EYS: variants seen among roughly 807,000 people sequenced by gnomAD.
EYS encodes protein eyes shut homolog.
In EYS, 250 loss-of-function variants were observed where a neutral mutation model predicts 282.1. The observed-to-expected ratio is 0.89, with a 90% CI of 0.80 to 0.98. EYS has a LOEUF of 0.98. EYS is among the 50% of genes least tolerant of loss of function. The probability of loss-of-function intolerance (pLI) is 0.00; values close to 1 mark genes in which losing one functional copy is unlikely to be tolerated. For synonymous variants in EYS, 1,355 were observed against 1,282.9 expected (o/e 1.06, Z -1.20); for missense variants, 4,016 against 3,709.0 (o/e 1.08, Z -2.15).
chr6:64,201,844 T>C (rs574566038), intron 31 of EYS, among the ~76,000 whole-genome samples: 149 of 152,288 alleles, frequency 9.8e-4, no homozygotes, highest in African/African-American at 3.6e-3. Context: ...CCTAGATAAA[T>C]GGTTATCAAC....
intron 36 of EYS, among the ~76,000 whole-genome samples, chr6:63,829,683 A>G (rs922236957): frequency 6.6e-6 from 1 of 152,226 alleles, no homozygotes; most frequent in Non-Finnish European, 1.5e-5. Flanking sequence ...GCAGACTTAA[A>G]CGTCCCTGTC....
intron 35 of EYS, among the ~76,000 whole-genome samples, chr6:63,951,706 T>C (rs76478733): frequency 0.42 from 64,553 of 151,940 alleles, 15,416 homozygotes; most frequent in African/African-American, 0.65. Flanking sequence ...AGCCCTTCCC[T>C]ACCTGCCCAA....
chr6:65,095,247 A>G (rs1408607250), intron 12 of EYS, among the ~76,000 whole-genome samples: 3 of 151,320 alleles, frequency 2.0e-5, no homozygotes, highest in Non-Finnish European at 4.4e-5. Context: ...GGGTGGTACC[A>G]GAGGCCGTAG....
At chr6:64,175,029 T>G (rs1385765224) in intron 31 of EYS, among the ~76,000 whole-genome samples, 1 of 152,130 alleles carries the variant, frequency 6.6e-6, no homozygotes, top group Non-Finnish European at 1.5e-5. Flanking sequence ...TTTTGATGTT[T>G]TACACTGAAT....
intron 12 of EYS, among the ~76,000 whole-genome samples, chr6:65,254,303 G>A (rs1045710323): frequency 6.6e-6 from 1 of 151,716 alleles, no homozygotes; most frequent in African/African-American, 2.4e-5. Flanking sequence ...GGATAAAACA[G>A]GTATGGTTAA....
At chr6:65,559,820 C>T (rs1375473560) in intron 2 of EYS, among the ~76,000 whole-genome samples, 2 of 151,848 alleles carry the variant, frequency 1.3e-5, no homozygotes, top group South Asian at 2.1e-4. Context: ...CTGAAAATTA[C>T]TTTATAGCTA....
intron 11 of EYS, among the ~76,000 whole-genome samples, chr6:65,332,968 T>C (rs1769850345): frequency 6.6e-6 from 1 of 151,434 alleles, no homozygotes; most frequent in Non-Finnish European, 1.5e-5. Flanking sequence ...ATTTCAGTAA[T>C]ATTTTATATC....
intron 33 of EYS, among the ~76,000 whole-genome samples, chr6:64,016,615 A>G (rs901667617): frequency 6.6e-6 from 1 of 151,494 alleles, no homozygotes; most frequent in African/African-American, 2.4e-5. Context: ...AGCTGGGACT[A>G]CAGGCATACA....
At chr6:65,313,125 A>T (rs575579234) in intron 11 of EYS, among the ~76,000 whole-genome samples, 1 of 152,126 alleles carries the variant, frequency 6.6e-6, no homozygotes, top group African/African-American at 2.4e-5. Flanking sequence ...GCCCTGGCCT[A>T]TTCCCTGGGG....
chr6:64,187,914 C>G (rs1764995588), intron 31 of EYS, among the ~76,000 whole-genome samples: 1 of 151,692 alleles, frequency 6.6e-6, no homozygotes, highest in African/African-American at 2.4e-5. Flanking sequence ...TTAATGTTAA[C>G]TGGAGTTAGC....
intron 31 of EYS, among the ~76,000 whole-genome samples, chr6:64,173,624 C>T (rs1764545082): frequency 6.6e-6 from 1 of 152,134 alleles, no homozygotes; most frequent in Admixed American, 6.5e-5. Flanking sequence ...AGTGGTACTA[C>T]CAACAATCTA....
chr6:64,058,173 T>G (rs1771048866), intron 33 of EYS, among the ~76,000 whole-genome samples: 1 of 152,042 alleles, frequency 6.6e-6, no homozygotes, highest in Non-Finnish European at 1.5e-5. Context: ...TTGTCTTGCC[T>G]GCCACCATGT....
intron 12 of EYS, among the ~76,000 whole-genome samples, chr6:65,177,111 T>C (rs950461671): frequency 5.3e-5 from 8 of 151,834 alleles, no homozygotes; most frequent in Non-Finnish European, 1.2e-4. Context: ...GAATTTGTAA[T>C]TTTTAACTTA....
intron 29 of EYS, among the ~76,000 whole-genome samples, chr6:64,371,662 C>G (rs970850563): frequency 1.1e-4 from 16 of 152,098 alleles, no homozygotes; most frequent in African/African-American, 3.6e-4. Flanking sequence ...CTTTTTAGGT[C>G]TCTAAGAGCT....
At chr6:64,775,783 T>C (rs368032387) in intron 22 of EYS, among the ~76,000 whole-genome samples, 4 of 152,074 alleles carry the variant, frequency 2.6e-5, no homozygotes, top group East Asian at 1.9e-4. Flanking sequence ...TATTCAATAT[T>C]CAAAACATCA....
At chr6:63,832,716 T>C (rs1425482584) in intron 36 of EYS, among the ~76,000 whole-genome samples, 2 of 152,324 alleles carry the variant, frequency 1.3e-5, no homozygotes, top group African/African-American at 4.8e-5. Context: ...ACTCATTTCA[T>C]GAGGCCAACA....
chr6:63,720,552 A>C lies in EYS; in HGVS notation c.*44T>G, dbSNP rs1397368909. 4 of 1,346,774 alleles carry C rather than the reference A, an allele frequency of 3.0e-6. No individual in the cohort carries two copies. Among genetic ancestry groups the C allele is most frequent in the African/African-American group, 3.0e-5 (2 of 67,534 alleles). The allele number at this position is 1,346,774 out of a possible 1,614,324, so 83.4% of individuals were successfully genotyped here. A position where few individuals can be genotyped will look rare whatever the true frequency, so the allele number is the denominator to read the frequency against. ...GTATCAAAGAAATAACTATCAAAAT[A>C]ACTGCATTTATGTATAGTGTGTACT... On this transcript the variant is annotated 3_prime_UTR_variant, in exon 43 of 43. Transcript: ENST00000503581.
chr6:64,588,676 A>G (rs902629467), intron 26 of EYS, among the ~76,000 whole-genome samples: 21 of 151,862 alleles, frequency 1.4e-4, no homozygotes, highest in Admixed American at 9.2e-4. Context: ...TTTTCCTTAA[A>G]CTCTACCCAT....
At chr6:63,808,743 T>C (rs1770967602) in intron 36 of EYS, among the ~76,000 whole-genome samples, 1 of 152,236 alleles carries the variant, frequency 6.6e-6, no homozygotes, top group South Asian at 2.1e-4. Flanking sequence ...ATCTGTCAAA[T>C]GCTCAGCATT....
Sources: allele counts gnomAD v4.1 joint callset (sites outside exome capture counted in the v4.1 genomes callset), GRCh38; gene constraint gnomAD v4.1.1; transcripts MANE v1.5; gene names NCBI Gene and HGNC (gene_info 2026-07-23, HGNC 2026-07-21).